Variants in MAP2K5 observed in about 807,000 individuals in gnomAD.
MAP2K5 encodes the protein mitogen-activated protein kinase kinase 5.
A neutral mutation model predicts 83.1 loss-of-function variants in MAP2K5; 49 were observed. That is an observed-to-expected ratio of 0.59 (90% CI 0.47 to 0.75). The LOEUF is 0.75. Ranked by LOEUF, MAP2K5 falls within the 30% of genes least tolerant of loss-of-function variation. The pLI is 0.00. For missense variants in MAP2K5, 457 were observed against 557.5 expected, an observed-to-expected ratio of 0.82 and a Z score of 1.82; for synonymous variants, 202 against 191.8, an observed-to-expected ratio of 1.05 and a Z score of -0.44.
Position 67,577,335 on chromosome 15 carries a change from G to A in MAP2K5, c.253-3419G>A, listed in dbSNP as rs921030718. On this transcript the variant is annotated intron_variant, in intron 3 of 21. Coordinates refer to ENST00000178640, the MANE Select transcript of MAP2K5 (RefSeq NM_145160.3). This position sits in a 1 kb window ranked among gnomAD's most constrained non-coding sequence, Gnocchi z 4.1. ...TCCTGAAGGCTACACAAGTTAATGA[G>A]TGGCAGACTTAGAATTCAACCCCAT... is the stretch of plus-strand genomic sequence containing the variant. 6.6e-6 allele frequency among the ~76,000 whole-genome samples: 1 copy of A among 152,194 alleles called. No individual in the cohort carries two copies. Among genetic ancestry groups the A allele is most frequent in the African/African-American group, 2.4e-5 (1 of 41,450 alleles).
rs559557194 is a variant in MAP2K5, at chr15:67,698,265, G to A, written c.972+4697G>A. Among the ~76,000 whole-genome samples, 18 of 151,956 alleles carry A rather than the reference G, an allele frequency of 1.2e-4. No individual in the cohort carries two copies. The highest frequency in any genetic ancestry group is 7.7e-4 in the East Asian group (4 of 5,162). ...AGTGCAGTGGCGATTGCAGCTCACCGCAACCTCTGTCCCCTGGGTTCAAGC... is the reference window on the plus strand; with the variant it reads ...AGTGCAGTGGCGATTGCAGCTCACCACAACCTCTGTCCCCTGGGTTCAAGC... On this transcript the variant is annotated intron_variant, in intron 15 of 21. Coordinates refer to ENST00000178640, the MANE Select transcript of MAP2K5 (RefSeq NM_145160.3). The surrounding 1 kb of genome is among the most constrained non-coding windows in gnomAD (Gnocchi z 4.5).
intron 19 of MAP2K5, among the ~76,000 whole-genome samples, chr15:67,762,940 A>G (rs887402486): frequency 6.6e-6 from 1 of 152,166 alleles, no homozygotes; most frequent in African/African-American, 2.4e-5. Context: ...GTCAGCCCAG[A>G]CCCAGTGGAC....
chr15:67,635,745 A>G (rs1000478328), intron 9 of MAP2K5, among the ~76,000 whole-genome samples: 1 of 152,070 alleles, frequency 6.6e-6, no homozygotes, highest in Non-Finnish European at 1.5e-5. Flanking sequence ...GTAGAATTCT[A>G]GGTTGGCTGC....
intron 6 of MAP2K5, 50 bp downstream of exon 6, chr15:67,586,963 TTGGGG>T: frequency 1.3e-6 from 2 of 1,590,870 alleles, no homozygotes; most frequent in Non-Finnish European, 1.7e-6. Context: ...ATCTACAGAG[TTGGGG>T]TGGGGTGGGG....
intron 9 of MAP2K5, chr15:67,642,419 G>A: frequency 1.2e-6 from 2 of 1,608,350 alleles, no homozygotes; most frequent in Non-Finnish European, 1.7e-6. Flanking sequence ...GTTTTTAGGA[G>A]ATGAGGGATG....
rs1030694299 is a variant in MAP2K5 at position 67,783,638 on chromosome 15, G to A, written c.1242+10886G>A. ...TCAATAAAAGAGACCACAACCCCTC[G>A]AGGAAGAGATCATGTCTTATCTTTG... On this transcript the variant is annotated intron_variant, in intron 21 of 21. Transcript: ENST00000178640. The surrounding 1 kb of genome is among the most constrained non-coding windows in gnomAD (Gnocchi z 5.1). 1.3e-5 allele frequency among the ~76,000 whole-genome samples: 2 copies of A among 152,160 alleles called. No individual in the cohort carries two copies. Among genetic ancestry groups the A allele is most frequent in the African/African-American group, 4.8e-5 (2 of 41,440 alleles).
chr15:67,614,640 T>A (rs1318521137), intron 8 of MAP2K5, among the ~76,000 whole-genome samples: 1 of 152,194 alleles, frequency 6.6e-6, no homozygotes, highest in Non-Finnish European at 1.5e-5. Context: ...CTCAGAGGTA[T>A]TTAGACCATA....
At chr15:67,729,893 C>T (rs2089183307) in intron 17 of MAP2K5, among the ~76,000 whole-genome samples, 1 of 152,206 alleles carries the variant, frequency 6.6e-6, no homozygotes, top group South Asian at 2.1e-4. Context: ...TATATCTTTA[C>T]TTGATCAGTC....
chr15:67,595,422 C>T (rs181440807), intron 7 of MAP2K5, among the ~76,000 whole-genome samples: 88 of 152,226 alleles, frequency 5.8e-4, no homozygotes, highest in African/African-American at 1.5e-3. Context: ...ATTATTGCTT[C>T]GATTTGTGAA....
chr15:67,566,094 G>A (rs1032024282), intron 3 of MAP2K5, among the ~76,000 whole-genome samples: 8 of 152,226 alleles, frequency 5.3e-5, no homozygotes, highest in East Asian at 1.9e-4. Context: ...CCAGGATTTC[G>A]TATAAAGGCA....
intron 8 of MAP2K5, among the ~76,000 whole-genome samples, chr15:67,609,751 C>G (rs748859021): frequency 6.6e-6 from 1 of 151,600 alleles, no homozygotes; most frequent in South Asian, 2.1e-4. Context: ...AAGAGGTGCT[C>G]AGGAAGACCT....
chr15:67,609,453 T>C (rs533888650), intron 8 of MAP2K5, among the ~76,000 whole-genome samples: 17 of 151,966 alleles, frequency 1.1e-4, no homozygotes, highest in African/African-American at 4.1e-4. Context: ...TGTAGACCTA[T>C]TCTATAGGTC....
At chr15:67,623,733 G>A (rs936312716) in intron 8 of MAP2K5, among the ~76,000 whole-genome samples, 1 of 151,744 alleles carries the variant, frequency 6.6e-6, no homozygotes, top group East Asian at 2.0e-4. Flanking sequence ...GAGTAGCTGG[G>A]ATTACAGGCA....
At position 67,693,605 on chromosome 15, in the gene MAP2K5, A is replaced by G. The variant is rs112712383; in HGVS notation, c.972+37A>G. 2.5e-4 allele frequency: 364 copies of G among 1,433,948 alleles called. 1 individual carries two copies. The African/African-American group carries it at 4.7e-3, about 19-fold the overall frequency. 88.8% of individuals were successfully genotyped at this position (1,433,948 alleles called of 1,614,324 possible). On this transcript the variant is annotated intron_variant, in intron 15 of 21. Transcript: ENST00000178640. The stretch of plus-strand genomic sequence containing the variant: ...TATGCAAAAATAATGTTTAAAACCA[A>G]CATCTTTATCTTTATGTACTTGGTA...
chr15:67,664,509 A>G, intron 12 of MAP2K5, 88 bp from the exon 13 acceptor site: 1 of 869,130 alleles, frequency 1.2e-6, no homozygotes, highest in Non-Finnish European at 1.8e-6. Context: ...TCTCAAAAAA[A>G]AAAAAATGTT....
Position 67,651,451 on chromosome 15 carries a change from T to C in MAP2K5, c.736+4982T>C, listed in dbSNP as rs184959097. Among the ~76,000 whole-genome samples the C allele has an allele frequency of 3.9e-4, 59 of 152,308 alleles. No individual in the cohort carries two copies. In the East Asian group the frequency reaches 9.3e-3, roughly 24 times the overall value. ...ATTAATTGTGATCACTCTGTTGTGGTGCCAAACACTGGATCTTATTCTTTC... is the reference window on the plus strand; with the variant it reads ...ATTAATTGTGATCACTCTGTTGTGGCGCCAAACACTGGATCTTATTCTTTC... On this transcript the variant is annotated intron_variant, in intron 11 of 21. Transcript: ENST00000178640.
chr15:67,764,717 C>G lies in MAP2K5; in HGVS notation c.1135-4885C>G, dbSNP rs1431344499. 6.6e-6 allele frequency among the ~76,000 whole-genome samples: 1 copy of G among 152,136 alleles called. No homozygotes were observed. The highest frequency in any genetic ancestry group is 1.5e-5 in the Non-Finnish European group (1 of 68,030). ...TTTTTACACAGTATTTTATGTTATG[C>G]CTTATCAGTGTCTGAATTAACCACC... On this transcript the variant is annotated intron_variant, in intron 19 of 21. Transcript: ENST00000178640. This position sits in a 1 kb window ranked among gnomAD's most constrained non-coding sequence, Gnocchi z 4.9.
At chr15:67,675,178 C>T (rs971646586) in intron 13 of MAP2K5, among the ~76,000 whole-genome samples, 3 of 152,128 alleles carry the variant, frequency 2.0e-5, no homozygotes, top group African/African-American at 7.2e-5. Flanking sequence ...TCATCATAGC[C>T]AAAAACTGGA....
In MAP2K5 at chr15:67,764,765, T is replaced by A. The variant is rs1404209192; in HGVS notation, c.1135-4837T>A. Reference sequence around the variant, plus strand: ...ACCACATTATTGTCAGGTCCCCCTGTCACCTTTAATTATGAATTATAGGCA... The same window carrying A: ...ACCACATTATTGTCAGGTCCCCCTGACACCTTTAATTATGAATTATAGGCA... On this transcript the variant is annotated intron_variant, in intron 19 of 21. Coordinates refer to ENST00000178640, the MANE Select transcript of MAP2K5 (RefSeq NM_145160.3). The surrounding 1 kb of genome is among the most constrained non-coding windows in gnomAD (Gnocchi z 4.9). 6.6e-6 allele frequency among the ~76,000 whole-genome samples: 1 copy of A among 152,212 alleles called. No homozygotes were observed. The highest frequency in any genetic ancestry group is 1.5e-5 in the Non-Finnish European group (1 of 68,038).
Sources: allele counts gnomAD v4.1 joint callset (sites outside exome capture counted in the v4.1 genomes callset), GRCh38; gene constraint gnomAD v4.1.1; non-coding constraint Gnocchi (gnomAD v3.1); transcripts MANE v1.5; gene names NCBI Gene and HGNC (gene_info 2026-07-23, HGNC 2026-07-21).